The following CELF2 variants were observed in gnomAD, a reference collection of about 807,000 sequenced individuals.
CELF2 encodes the protein CUG triplet repeat RNA-binding protein 2.
A neutral mutation model predicts 62.6 loss-of-function variants in CELF2; 8 were observed. That is an observed-to-expected ratio of 0.13 (90% CI 0.07 to 0.23). CELF2 has a LOEUF of 0.23. Among genes scored for constraint, CELF2 ranks in the 10% least tolerant of loss-of-function variants. The pLI is 1.00. For missense variants in CELF2, 333 were observed against 671.0 expected, an observed-to-expected ratio of 0.50 and a Z score of 5.56; for synonymous variants, 258 against 250.0, an observed-to-expected ratio of 1.03 and a Z score of -0.30.
chr10:10,883,205 T>A (rs1441219883), intron 1 of CELF2, among the ~76,000 whole-genome samples: 2 of 152,204 alleles, frequency 1.3e-5, no homozygotes, highest in African/African-American at 4.8e-5. Flanking sequence ...CTTAGCAAAT[T>A]AACACTTTGA....
At chr10:11,170,848 C>A (rs568901171) in intron 2 of CELF2, among the ~76,000 whole-genome samples, 3 of 152,156 alleles carry the variant, frequency 2.0e-5, no homozygotes, top group Non-Finnish European at 4.4e-5. Flanking sequence ...AATCCCAAAT[C>A]ATAGCACTCT....
At chr10:10,716,736 T>C in the CELF2 span, among the ~76,000 whole-genome samples, 1 of 152,136 alleles carries the variant, frequency 6.6e-6, no homozygotes, top group South Asian at 2.1e-4. Flanking sequence ...AGGTGATCAG[T>C]TTCAACACAA....
the CELF2 span, among the ~76,000 whole-genome samples, chr10:10,670,874 A>G: frequency 0.26 from 38,902 of 151,944 alleles, 5,287 homozygotes; most frequent in South Asian, 0.43. Context: ...TTTCACTTAG[A>G]ATTATATACT....
At chr10:11,205,906 A>G (rs1361928244) in intron 2 of CELF2, among the ~76,000 whole-genome samples, 1 of 152,162 alleles carries the variant, frequency 6.6e-6, no homozygotes, top group Non-Finnish European at 1.5e-5. Flanking sequence ...AATAAGTACA[A>G]ATGTTTACTT....
chr10:10,722,138 A>C, the CELF2 span, among the ~76,000 whole-genome samples: 1 of 151,900 alleles, frequency 6.6e-6, no homozygotes, highest in South Asian at 2.1e-4. Flanking sequence ...CCAACTCTAC[A>C]AAAAATAAAA....
intron 1 of CELF2, among the ~76,000 whole-genome samples, chr10:10,849,371 C>T (rs2059232388): frequency 6.6e-6 from 1 of 152,096 alleles, no homozygotes; most frequent in Non-Finnish European, 1.5e-5. Context: ...CATGCCACTG[C>T]ACTCCAGACT....
the CELF2 span, among the ~76,000 whole-genome samples, chr10:10,754,061 G>GGTTTTTTT: frequency 1.2e-3 from 104 of 85,046 alleles, 1 homozygote; most frequent in East Asian, 3.0e-3. Flanking sequence ...TGCTGAGGTG[G>GGTTTTTTT]TTTTTTTTTT....
chr10:11,034,655 GT>G (rs1161688989), intron 1 of CELF2, among the ~76,000 whole-genome samples: 1 of 152,164 alleles, frequency 6.6e-6, no homozygotes, highest in Non-Finnish European at 1.5e-5. Context: ...AACTGGCGAT[GT>G]GGCAGTTCTT....
At chr10:11,174,981 T>C (rs1384540850) in intron 2 of CELF2, among the ~76,000 whole-genome samples, 1 of 152,158 alleles carries the variant, frequency 6.6e-6, no homozygotes, top group South Asian at 2.1e-4. Context: ...AGGGGATGCC[T>C]TAGTAATCTG....
At chr10:10,475,399 G>A in the CELF2 span, among the ~76,000 whole-genome samples, 1 of 151,502 alleles carries the variant, frequency 6.6e-6, no homozygotes, top group East Asian at 1.9e-4. Context: ...AAGGAGATAT[G>A]TAAAACTGGT....
chr10:11,308,192 T>A (rs1370470299), intron 9 of CELF2, among the ~76,000 whole-genome samples: 1 of 152,256 alleles, frequency 6.6e-6, no homozygotes. Context: ...CATTCAAGAT[T>A]TTCTCTTAAA....
intron 5 of CELF2, among the ~76,000 whole-genome samples, chr10:11,261,575 G>T (rs937523282): frequency 6.6e-6 from 1 of 152,216 alleles, no homozygotes; most frequent in Admixed American, 6.5e-5. Context: ...CACCTGCCAA[G>T]CACCTGGAGC....
At chr10:10,907,505 C>A (rs2063443402) in intron 1 of CELF2, among the ~76,000 whole-genome samples, 1 of 152,138 alleles carries the variant, frequency 6.6e-6, no homozygotes, top group Non-Finnish European at 1.5e-5. Context: ...TTGCAATATG[C>A]TGAATATCAC....
At chr10:10,832,988 G>T (rs918593066) in intron 1 of CELF2, among the ~76,000 whole-genome samples, 10 of 150,622 alleles carry the variant, frequency 6.6e-5, no homozygotes, top group Admixed American at 1.3e-4. Flanking sequence ...TGAAGTTTTT[G>T]AGCCTCCTAC....
the CELF2 span, among the ~76,000 whole-genome samples, chr10:10,660,204 C>T: frequency 3.9e-5 from 6 of 152,280 alleles, no homozygotes; most frequent in East Asian, 1.2e-3. Context: ...ATGATCATGA[C>T]TTAAATATGT....
At chr10:10,686,364 G>C in the CELF2 span, among the ~76,000 whole-genome samples, 2 of 147,884 alleles carry the variant, frequency 1.4e-5, no homozygotes, top group Non-Finnish European at 1.5e-5. Flanking sequence ...GCAATCTCTT[G>C]TTAACTTGTT....
At chr10:10,540,506 T>A in the CELF2 span, among the ~76,000 whole-genome samples, 1 of 152,204 alleles carries the variant, frequency 6.6e-6, no homozygotes, top group African/African-American at 2.4e-5. Context: ...CAGGCTTTTT[T>A]AATTTTTAAG....
intron 1 of CELF2, among the ~76,000 whole-genome samples, chr10:10,871,443 A>G (rs1169021162): frequency 6.6e-6 from 1 of 152,180 alleles, no homozygotes; most frequent in Non-Finnish European, 1.5e-5. Context: ...GAGTTGTTTT[A>G]CATAACACAG....
At chr10:10,761,684 T>C in the CELF2 span, among the ~76,000 whole-genome samples, 2 of 152,238 alleles carry the variant, frequency 1.3e-5, no homozygotes, top group East Asian at 1.9e-4. Context: ...GGCTGGGACA[T>C]TGGTCTTTTC....
Sources: gnomAD v4.1 joint callset for allele counts (sites outside exome capture counted in the v4.1 genomes callset) on GRCh38, gnomAD v4.1.1 for gene constraint, MANE v1.5 for transcripts, NCBI Gene and HGNC (gene_info 2026-07-23, HGNC 2026-07-21) for gene names.